Variants in RAD51B observed in about 807,000 individuals in gnomAD.
The protein encoded by RAD51B is DNA repair protein RAD51 homolog 2.
In RAD51B, 38 loss-of-function variants were observed where a neutral mutation model predicts 42.2. The observed-to-expected ratio is 0.90, with a 90% CI of 0.70 to 1.18. RAD51B has a LOEUF of 1.18. RAD51B is among the 50% of genes most tolerant of loss of function. The pLI is 0.00. For synonymous variants in RAD51B, 154 were observed against 145.2 expected, an observed-to-expected ratio of 1.06 and a Z score of -0.43; for missense variants, 373 against 400.7, an observed-to-expected ratio of 0.93 and a Z score of 0.59.
chr14:68,190,917 G>A (rs1821328877), intron 7 of RAD51B, among the ~76,000 whole-genome samples: 1 of 152,008 alleles, frequency 6.6e-6, no homozygotes, highest in Admixed American at 6.6e-5. Context: ...TACATTTTAT[G>A]AGTAATAATG....
At chr14:68,229,423 T>C (rs1425706086) in intron 7 of RAD51B, among the ~76,000 whole-genome samples, 3 of 152,190 alleles carry the variant, frequency 2.0e-5, no homozygotes, top group Admixed American at 6.5e-5. Context: ...CATTTTAGAA[T>C]AGTACGTGCT....
intron 7 of RAD51B, among the ~76,000 whole-genome samples, chr14:68,051,372 A>G (rs1014188531): frequency 2.2e-4 from 33 of 152,078 alleles, no homozygotes; most frequent in African/African-American, 1.4e-4. Context: ...TTACTAGTCT[A>G]CTTTTGAAAT....
intron 7 of RAD51B, among the ~76,000 whole-genome samples, chr14:68,076,206 C>T (rs1422631922): frequency 1.3e-5 from 2 of 152,158 alleles, no homozygotes; most frequent in African/African-American, 4.8e-5. Flanking sequence ...GATGATTTTA[C>T]CTCTCCATCC....
intron 7 of RAD51B, among the ~76,000 whole-genome samples, chr14:68,031,606 A>C (rs2076042671): frequency 1.3e-5 from 2 of 152,168 alleles, no homozygotes; most frequent in Non-Finnish European, 2.9e-5. Context: ...GGGTGGGAAG[A>C]TCGCTTGAGG....
At chr14:68,094,885 T>G (rs1470228005) in intron 7 of RAD51B, among the ~76,000 whole-genome samples, 1 of 152,348 alleles carries the variant, frequency 6.6e-6, no homozygotes, top group South Asian at 2.1e-4. Flanking sequence ...CATCTGGTCA[T>G]GCCTTCTTAG....
In RAD51B at chr14:68,296,572, A is replaced by G. The variant is rs183760974; in HGVS notation, c.853+4592A>G. Among the ~76,000 whole-genome samples, 3 of 152,326 alleles carry G rather than the reference A, an allele frequency of 2.0e-5. No individual in the cohort carries two copies. In the East Asian group the frequency reaches 5.8e-4, roughly 29 times the overall value. On this transcript the variant is annotated intron_variant, in intron 8 of 10. Transcript: ENST00000471583. ...CAAATGGCCTAAGATGCCATATCCT[A>G]TTCCAAAGTCACCTGGGATTTGAGC... is the stretch of plus-strand genomic sequence containing the variant.
At position 67,845,525 on chromosome 14, in the gene RAD51B, G is replaced by A. The variant is rs771552751; in HGVS notation, c.315+10329G>A. Among the ~76,000 whole-genome samples the A allele has an allele frequency of 9.9e-5, 15 of 152,010 alleles. No homozygotes were observed. In the South Asian group the frequency reaches 1.5e-3, roughly 15 times the overall value. ...TCTACAAAAAATGCTAAAATTAGCC[G>A]GGTGTGGTGGCATGTGCCTGTAGTC... On this transcript the variant is annotated intron_variant, in intron 4 of 10. Coordinates refer to ENST00000471583, the MANE Select transcript of RAD51B (RefSeq NM_133510.4).
intron 7 of RAD51B, among the ~76,000 whole-genome samples, chr14:68,271,913 T>C (rs1257491865): frequency 6.6e-6 from 1 of 152,184 alleles, no homozygotes; most frequent in Non-Finnish European, 1.5e-5. Context: ...GCCTCCCAAA[T>C]TTGCCATTTT....
intron 10 of RAD51B, chr14:68,468,978 A>T: frequency 3.2e-6 from 1 of 313,408 alleles, no homozygotes; most frequent in Admixed American, 3.1e-5. Flanking sequence ...TGAAGGGGTA[A>T]ATTCCAGCAC....
At chr14:67,897,579 C>T (rs990505056) in intron 7 of RAD51B, among the ~76,000 whole-genome samples, 6 of 150,864 alleles carry the variant, frequency 4.0e-5, no homozygotes, top group African/African-American at 1.2e-4. Flanking sequence ...TCGCTTAATA[C>T]GGTTATTATT....
Position 68,425,936 on chromosome 14 carries a change from T to TTTCTTTCTTTCTTTCTTTCTTTCTTTC in RAD51B, c.957+14411_957+14412insCTTTCTTTCTTTCTTTCTTTCTTTCTT, listed in dbSNP as rs1555407997. 4.1e-5 allele frequency among the ~76,000 whole-genome samples: 3 copies of TTTCTTTCTTTCTTTCTTTCTTTCTTTC among 73,880 alleles called. No homozygotes were observed. The Admixed American group carries it at 4.3e-4, about 11-fold the overall frequency. 48.5% of individuals were successfully genotyped at this position (73,880 alleles called of 152,430 possible). On this transcript the variant is annotated intron_variant, in intron 9 of 10. Coordinates refer to ENST00000471583, the MANE Select transcript of RAD51B (RefSeq NM_133510.4). ...AAATAGAGACAGTAAAGGCCATTCT[T>TTTCTTTCTTTCTTTCTTTCTTTCTTTC]TTTCTTTCTTTCTTTCTTTCTTTCT...
intron 10 of RAD51B, among the ~76,000 whole-genome samples, chr14:68,516,464 G>A (rs1361510270): frequency 1.3e-5 from 2 of 152,202 alleles, no homozygotes; most frequent in Non-Finnish European, 2.9e-5. Flanking sequence ...TCAATCAGCT[G>A]TGATAATGTT....
Position 68,567,965 on chromosome 14 carries a change from C to T in RAD51B, c.1037-26520C>T, listed in dbSNP as rs999737. On this transcript the variant is annotated intron_variant, in intron 10 of 10. Transcript: ENST00000487270. ...CCCGTTCACATGATATGAATGGGGCCCCTGGAGTTACACAAGTTATAGCCC... is the reference window on the plus strand; with the variant it reads ...CCCGTTCACATGATATGAATGGGGCTCCTGGAGTTACACAAGTTATAGCCC... 0.16 allele frequency among the ~76,000 whole-genome samples: 24,112 copies of T among 152,064 alleles called. 2,501 individuals are homozygous for T. The highest frequency in any genetic ancestry group is 0.24 in the Non-Finnish European group (16,071 of 67,972).
chr14:68,350,992 T>G (rs1215185324), intron 8 of RAD51B, among the ~76,000 whole-genome samples: 1 of 152,230 alleles, frequency 6.6e-6, no homozygotes, highest in Non-Finnish European at 1.5e-5. Flanking sequence ...TTCATGGCTC[T>G]GGCCTTATTT....
In RAD51B at chr14:68,624,323, C is replaced by T. The variant is rs543741014; in HGVS notation, c.1037-26458C>T. The stretch of plus-strand genomic sequence containing the variant: ...GGGCAGTCACCCCCTCTCAGAAATA[C>T]GTCCCCAGCATGATATCCTTTGTTA... On this transcript the variant is annotated intron_variant, in intron 10 of 11. Transcript: ENST00000488612. Among the ~76,000 whole-genome samples, 5 of 152,306 alleles carry T rather than the reference C, an allele frequency of 3.3e-5. 1 individual carries two copies. The South Asian group carries it at 8.3e-4, about 25-fold the overall frequency.
intron 8 of RAD51B, among the ~76,000 whole-genome samples, chr14:68,306,222 A>T (rs986961965): frequency 1.3e-5 from 2 of 152,210 alleles, no homozygotes; most frequent in African/African-American, 2.4e-5. Flanking sequence ...TGATTTAATT[A>T]ATTTCTCTCT....
chr14:68,371,055 AGAAAAAAAG>A (rs1566839100), intron 8 of RAD51B, among the ~76,000 whole-genome samples: 1 of 83,098 alleles, frequency 1.2e-5, no homozygotes, highest in African/African-American at 5.2e-5. Flanking sequence ...AAAAAAAAAA[AGAAAAAAAG>A]AAAAGAAAAT....
chr14:68,000,831 C>T (rs1595234463), intron 7 of RAD51B, among the ~76,000 whole-genome samples: 2 of 152,102 alleles, frequency 1.3e-5, no homozygotes, highest in Admixed American at 6.5e-5. Context: ...AGTCTTTATC[C>T]TCTGTCTCTG....
At chr14:68,653,726 C>T (rs1417110989) in intron 11 of RAD51B, among the ~76,000 whole-genome samples, 1 of 152,246 alleles carries the variant, frequency 6.6e-6, no homozygotes, top group African/African-American at 2.4e-5. Context: ...CATTACGGCT[C>T]AAAGAAGCCC....
Sources: allele counts gnomAD v4.1 joint callset (sites outside exome capture counted in the v4.1 genomes callset), GRCh38; gene constraint gnomAD v4.1.1; transcripts MANE v1.5; gene names NCBI Gene and HGNC (gene_info 2026-07-23, HGNC 2026-07-21).